BTNL9: variants seen among roughly 807,000 people sequenced by gnomAD.
BTNL9 encodes the protein butyrophilin-like protein 9.
In BTNL9, 45 loss-of-function variants were observed where a neutral mutation model predicts 45.8. That is an observed-to-expected ratio of 0.98 (90% CI 0.77 to 1.26). The LOEUF (loss-of-function observed/expected upper bound fraction) is 1.26, where lower values mean the gene tolerates loss of function less well. Ranked by LOEUF, BTNL9 falls within the 50% of genes most tolerant of loss-of-function variation. The pLI is 0.00. For synonymous variants in BTNL9, 346 were observed against 330.8 expected (o/e 1.05, Z -0.50); for missense variants, 784 against 729.7 (o/e 1.07, Z -0.86).
chr5:181,043,723 C>T (rs1760929196), intron 1 of BTNL9, among the ~76,000 whole-genome samples: 1 of 152,200 alleles, frequency 6.6e-6, no homozygotes, highest in Admixed American at 6.5e-5. Context: ...GAAGAAAAGA[C>T]TGAAGTATAA....
In BTNL9 at chr5:181,055,127, T is replaced by G. The variant is rs1001792728; in HGVS notation, c.908-306T>G. 5 of 1,171,996 alleles carry G rather than the reference T, an allele frequency of 4.3e-6. No homozygotes were observed. The East Asian group carries it at 1.2e-4, about 29-fold the overall frequency. The allele number at this position is 1,171,996 out of a possible 1,614,324, so 72.6% of individuals were successfully genotyped here. The stretch of plus-strand genomic sequence containing the variant: ...CGGGAGCTCCGCCCCAGGAAGCTTG[T>G]GATTTCAGGCAGAAGGAACAACCCC... On this transcript the variant is annotated intron_variant, in intron 7 of 10. Transcript: ENST00000327705. This position sits in a 1 kb window ranked among gnomAD's most constrained non-coding sequence, Gnocchi z 4.4.
At position 181,059,670 on chromosome 5, in the gene BTNL9, C is replaced by T. The variant is rs1762071882; in HGVS notation, c.1416C>T (p.Phe472=). 6.2e-7 allele frequency: 1 copy of T among 1,613,738 alleles called. No individual in the cohort carries two copies. Among genetic ancestry groups the T allele is most frequent in the Non-Finnish European group, 8.5e-7 (1 of 1,179,954 alleles). Residue 472 remains phenylalanine (F), a synonymous_variant, in exon 11 of 11, where the codon TTC becomes TTT. Coordinates refer to ENST00000327705, the MANE Select transcript of BTNL9 (RefSeq NM_152547.5). ...ACGTGTCCGACGGCTCCCACATCTT[C>T]ACCTTCCACGACACCTTCTCGGGCG... ...FFNVSDGSHI[F]TFHDTFSGAL...
At position 181,059,592 on chromosome 5, in the gene BTNL9, G is replaced by A; in HGVS notation, c.1338G>A (p.Pro446=). 3 of 1,613,034 alleles carry A rather than the reference G, an allele frequency of 1.9e-6. No individual in the cohort carries two copies. The East Asian group carries it at 6.7e-5, about 36-fold the overall frequency. ...HRVALTLRVP[P]RRLGVFLDYE... ...TCGCGCTCACCCTGCGCGTGCCCCC[G>A]CGGCGCCTGGGCGTCTTCCTGGACT... is the stretch of plus-strand genomic sequence containing the variant. The change falls in exon 11 of 11, where the codon CCG becomes CCA. Residue 446 remains proline (P), a synonymous_variant. Coordinates refer to ENST00000327705, the MANE Select transcript of BTNL9 (RefSeq NM_152547.5).
At position 181,059,257 on chromosome 5, in the gene BTNL9, G is replaced by A. The variant is rs1321874990; in HGVS notation, c.1003G>A (p.Ala335Thr). The stretch of plus-strand genomic sequence containing the variant: ...CGCAGTGGATGTGACGCTGGACCCG[G>A]CCTCGGCGCACCCCAGCCTGGAGGT... ...KYAVDVTLDP[A>T]SAHPSLEVSE... is the part of the protein sequence containing the mutation. The change falls in exon 11 of 11, where the codon GCC (alanine) becomes ACC (threonine). Residue 335 changes from alanine to threonine, a missense_variant. Ala to Thr is a moderately conservative substitution (Grantham distance 58). Coordinates refer to ENST00000327705, the MANE Select transcript of BTNL9 (RefSeq NM_152547.5). 3 of 1,563,172 alleles carry A rather than the reference G, an allele frequency of 1.9e-6. No homozygotes were observed. Among genetic ancestry groups the A allele is most frequent in the Admixed American group, 1.8e-5 (1 of 55,206 alleles).
At chr5:181,056,391 T>C (rs574504735) in intron 9 of BTNL9, 1 of 624,258 alleles carries the variant, frequency 1.6e-6, no homozygotes, top group Non-Finnish European at 2.9e-6. Context: ...AAAATGTGAA[T>C]ATCGATGTAT....
intron 2 of BTNL9, 90 bp downstream of exon 2, chr5:181,045,688 G>C (rs539337582): frequency 2.9e-6 from 3 of 1,032,276 alleles, no homozygotes; most frequent in Middle Eastern, 2.1e-4. Flanking sequence ...CACAGTACCA[G>C]GGCGTGCCAG....
rs1315799921 is a variant in BTNL9, at chr5:181,042,633, AG to A, written c.-24+2202del. 6.6e-6 allele frequency among the ~76,000 whole-genome samples: 1 copy of A among 152,252 alleles called. No homozygotes were observed. The highest frequency in any genetic ancestry group is 2.4e-5 in the African/African-American group (1 of 41,540). On this transcript the variant is annotated intron_variant, in intron 1 of 10. Transcript: ENST00000327705. The surrounding 1 kb of genome is among the most constrained non-coding windows in gnomAD (Gnocchi z 4.5). ...AAAGGCTTTCAAGATGATACCCTTGAGTGTTGGGAGCAAAGGGACCAGGTAC... is the reference window on the plus strand; with the variant it reads ...AAAGGCTTTCAAGATGATACCCTTGATGTTGGGAGCAAAGGGACCAGGTAC...
intron 3 of BTNL9, among the ~76,000 whole-genome samples, chr5:181,049,476 T>G (rs1761416224): frequency 6.6e-6 from 1 of 152,186 alleles, no homozygotes; most frequent in South Asian, 2.1e-4. Flanking sequence ...AACATACACT[T>G]GCTTTGTAAG....
rs141721107 is a variant in BTNL9, at chr5:181,048,081, G to A, written c.264G>A (p.Glu88=). 178 of 1,613,592 alleles carry A rather than the reference G, an allele frequency of 1.1e-4. No individual in the cohort carries two copies. Among genetic ancestry groups the A allele is most frequent in the Non-Finnish European group, 1.4e-4 (170 of 1,180,028 alleles). ...QTFNVVHLYQ[E]QQELPGRQMP... ...TCAATGTGGTACACCTGTACCAGGAGCAGCAGGAGCTCCCTGGCAGGCAGA... is the reference window on the plus strand; with the variant it reads ...TCAATGTGGTACACCTGTACCAGGAACAGCAGGAGCTCCCTGGCAGGCAGA... The change falls in exon 3 of 11, where the codon GAG becomes GAA. Residue 88 remains glutamate, a synonymous_variant. Coordinates refer to ENST00000327705, the MANE Select transcript of BTNL9 (RefSeq NM_152547.5).
At position 181,053,176 on chromosome 5, in the gene BTNL9, A is replaced by T. The variant is rs1761665701; in HGVS notation, c.737-24A>T. On this transcript the variant is annotated intron_variant, in intron 4 of 10. Coordinates refer to ENST00000327705, the MANE Select transcript of BTNL9 (RefSeq NM_152547.5). This position sits in a 1 kb window ranked among gnomAD's most constrained non-coding sequence, Gnocchi z 6.5. The stretch of plus-strand genomic sequence containing the variant: ...GGTGCTCAGCGGCGCCTGGACCGAC[A>T]CGGCCCCCGCGGGTGTTTTCCAGAC... 11 of 1,559,982 alleles carry T rather than the reference A, an allele frequency of 7.1e-6. No individual in the cohort carries two copies. Among genetic ancestry groups the T allele is most frequent in the Non-Finnish European group, 9.5e-6 (11 of 1,152,478 alleles).
chr5:181,053,802 G>A lies in BTNL9; in HGVS notation c.886+301G>A, dbSNP rs902020077. 6 of 1,521,482 alleles carry A rather than the reference G, an allele frequency of 3.9e-6. No homozygotes were observed. Among genetic ancestry groups the A allele is most frequent in the Non-Finnish European group, 5.3e-6 (6 of 1,137,766 alleles). The allele number at this position is 1,521,482 out of a possible 1,614,324, so 94.2% of individuals were successfully genotyped here. A position where few individuals can be genotyped will look rare whatever the true frequency, so the allele number is the denominator to read the frequency against. ...ACTGTACAGAGGGAGCGGTGACCAG[G>A]GTCTCTGCTGCCAGCGCCACCTCGT... On this transcript the variant is annotated intron_variant, in intron 6 of 10. Transcript: ENST00000327705. This position sits in a 1 kb window ranked among gnomAD's most constrained non-coding sequence, Gnocchi z 6.5.
In BTNL9 at chr5:181,055,493, G is replaced by A. The variant is rs752479920; in HGVS notation, c.928+40G>A. 7 of 1,611,654 alleles carry A rather than the reference G, an allele frequency of 4.3e-6. No homozygotes were observed. The highest frequency in any genetic ancestry group is 5.9e-6 in the Non-Finnish European group (7 of 1,178,110). On this transcript the variant is annotated intron_variant, in intron 8 of 10. Transcript: ENST00000327705. This position sits in a 1 kb window ranked among gnomAD's most constrained non-coding sequence, Gnocchi z 4.4. ...TTAGAACTATTTCTCCTCAGGGCCG[G>A]GTCCAGTGGCTCACACCTGTAATCC...
chr5:181,050,428 C>G lies in BTNL9; in HGVS notation c.736+59C>G, dbSNP rs950545824. ...GTCCTCATGTGTACATACACATTGG[C>G]CCAAAGGCAGTCTATAAAGACACAA... On this transcript the variant is annotated intron_variant, in intron 4 of 10. Transcript: ENST00000327705. This position sits in a 1 kb window ranked among gnomAD's most constrained non-coding sequence, Gnocchi z 4.9. 6.4e-7 allele frequency: 1 copy of G among 1,564,144 alleles called. No homozygotes were observed. Among genetic ancestry groups the G allele is most frequent in the African/African-American group, 1.4e-5 (1 of 73,898 alleles).
Position 181,053,294 on chromosome 5 carries a change from C to T in BTNL9, c.831C>T (p.Leu277=). 1 of 1,577,012 alleles carries T rather than the reference C, an allele frequency of 6.3e-7. No homozygotes were observed. ...TCGCGGCGCTGGCGCTGGGCGTCCT[C>T]CGGAAGCAGCGGAGAAGCCGAGGTA... The part of the protein sequence containing the change: ...LVLAALALGV[L]RKQRRSREKL... Residue 277 remains leucine (L), a synonymous_variant, in exon 5 of 11, where the codon CTC becomes CTT. Transcript: ENST00000327705. The surrounding 1 kb of genome is among the most constrained non-coding windows in gnomAD (Gnocchi z 6.5).
rs1183801358 is a variant in BTNL9, at chr5:181,059,746, G to T, written c.1492G>T (p.Asp498Tyr). The T allele has an allele frequency of 1.9e-6, 3 of 1,612,754 alleles. No homozygotes were observed. The highest frequency in any genetic ancestry group is 1.7e-6 in the Non-Finnish European group (2 of 1,179,936). ...PRAHDGGEHP[D>Y]PLTICPLPVR... ...GGCCCACGACGGCGGCGAACATCCGGATCCCCTGACCATCTGCCCGCTGCC... is the reference window on the plus strand; with the variant it reads ...GGCCCACGACGGCGGCGAACATCCGTATCCCCTGACCATCTGCCCGCTGCC... Residue 498 changes from aspartate to tyrosine, a missense_variant, in exon 11 of 11, where the codon GAT becomes TAT. By Grantham distance (160) the Asp-to-Tyr change is radical. Coordinates refer to ENST00000327705, the MANE Select transcript of BTNL9 (RefSeq NM_152547.5).
rs4379157 is a variant in BTNL9 at position 181,042,908 on chromosome 5, G to A, written c.-24+2476G>A. Among the ~76,000 whole-genome samples the A allele has an allele frequency of 1.3e-5, 2 of 151,604 alleles. No individual in the cohort carries two copies. Among genetic ancestry groups the A allele is most frequent in the Non-Finnish European group, 2.9e-5 (2 of 67,920 alleles). On this transcript the variant is annotated intron_variant, in intron 1 of 10. Coordinates refer to ENST00000327705, the MANE Select transcript of BTNL9 (RefSeq NM_152547.5). This position sits in a 1 kb window ranked among gnomAD's most constrained non-coding sequence, Gnocchi z 4.5. ...CATGGTTTTGGGTAACAGGAGTGAC[G>A]GAAGGGTGTACCCAGACACACGACG...
At chr5:181,045,643 C>A (rs1761068910) in intron 2 of BTNL9, 45 bp downstream of exon 2, 4 of 1,477,466 alleles carry the variant, frequency 2.7e-6, no homozygotes, top group African/African-American at 1.4e-5. Context: ...AACGCCACCC[C>A]TCCTGCCAGG....
chr5:181,053,949 C>G lies in BTNL9; in HGVS notation c.887-290C>G, dbSNP rs928721880. 3.9e-6 allele frequency: 6 copies of G among 1,522,298 alleles called. No individual in the cohort carries two copies. The African/African-American group carries it at 5.5e-5, about 14-fold the overall frequency. The allele number at this position is 1,522,298 out of a possible 1,614,324, so 94.3% of individuals were successfully genotyped here. On this transcript the variant is annotated intron_variant, in intron 6 of 10. Coordinates refer to ENST00000327705, the MANE Select transcript of BTNL9 (RefSeq NM_152547.5). This position sits in a 1 kb window ranked among gnomAD's most constrained non-coding sequence, Gnocchi z 6.5. Reference sequence around the variant, plus strand: ...ACGTGAGGCAGTGTCCGGGGCTTAACGTTTCCGCCGAGCTAATAGATTTGG... The same window carrying G: ...ACGTGAGGCAGTGTCCGGGGCTTAAGGTTTCCGCCGAGCTAATAGATTTGG...
rs1370474369 is a variant in BTNL9 at position 181,058,350 on chromosome 5, A to G, written c.956-2A>G. ...TTTTTCCCCTTTTCTGTTTGGTTTC[A>G]GAGTGGAGAGCAGCCCAAAAATATG... On this transcript the variant is annotated splice_acceptor_variant, in intron 9 of 10. Transcript: ENST00000327705. LOFTEE classifies it high-confidence loss of function. 2 of 1,614,066 alleles carry G rather than the reference A, an allele frequency of 1.2e-6. No homozygotes were observed. The highest frequency in any genetic ancestry group is 1.3e-5 in the African/African-American group (1 of 75,016).
Sources: allele counts gnomAD v4.1 joint callset (sites outside exome capture counted in the v4.1 genomes callset), GRCh38; gene constraint gnomAD v4.1.1; non-coding constraint Gnocchi (gnomAD v3.1); transcripts MANE v1.5; gene names NCBI Gene and HGNC (gene_info 2026-07-23, HGNC 2026-07-21).